KDM4C: variants seen among roughly 807,000 people sequenced by gnomAD.
KDM4C encodes the protein lysine-specific demethylase 4C.
KDM4C carries 81 observed loss-of-function variants against 129.3 expected under a neutral mutation model. The ratio of observed to expected loss-of-function variants is 0.63; its 90% CI spans 0.52 to 0.75. The LOEUF is 0.75. Ranked by LOEUF, KDM4C falls within the 30% of genes least tolerant of loss-of-function variation. KDM4C has a pLI of 0.00. For missense variants in KDM4C, 1,457 were observed against 1,304.0 expected (o/e 1.12, Z -1.81); for synonymous variants, 573 against 456.1 (o/e 1.26, Z -3.26).
chr9:7,158,804 G>C (rs1441491887), intron 19 of KDM4C, among the ~76,000 whole-genome samples: 1 of 152,168 alleles, frequency 6.6e-6, no homozygotes, highest in African/African-American at 2.4e-5. Flanking sequence ...GTGTTGGGAA[G>C]AGTGTATATT....
intron 8 of KDM4C, among the ~76,000 whole-genome samples, chr9:6,945,945 CT>C (rs1826883531): frequency 6.6e-6 from 1 of 152,074 alleles, no homozygotes; most frequent in African/African-American, 2.4e-5. Context: ...GTCCAGATGT[CT>C]TTTCTATTGG....
chr9:6,866,093 C>G (rs1841919036), intron 5 of KDM4C, among the ~76,000 whole-genome samples: 1 of 152,016 alleles, frequency 6.6e-6, no homozygotes, highest in Non-Finnish European at 1.5e-5. Context: ...CCATGTTGAA[C>G]AGGCTGGTCT....
intron 8 of KDM4C, among the ~76,000 whole-genome samples, chr9:6,914,284 C>A (rs920178346): frequency 6.6e-6 from 1 of 152,184 alleles, no homozygotes; most frequent in Admixed American, 6.5e-5. Context: ...GTCTTGAACT[C>A]CCGACCTCAG....
At chr9:7,016,312 AGAGACGGGG>A (rs1823668183) in intron 15 of KDM4C, among the ~76,000 whole-genome samples, 1 of 151,564 alleles carries the variant, frequency 6.6e-6, no homozygotes, top group African/African-American at 2.4e-5. Flanking sequence ...TATTTTTAGT[AGAGACGGGG>A]TTTCAACGTG....
At chr9:6,834,016 C>A (rs10975840) in intron 4 of KDM4C, among the ~76,000 whole-genome samples, 24 of 149,022 alleles carry the variant, frequency 1.6e-4, no homozygotes, top group Non-Finnish European at 2.8e-4. Context: ...CAGAAGTGGC[C>A]TCATGGGATA....
intron 8 of KDM4C, among the ~76,000 whole-genome samples, chr9:6,909,419 C>CT (rs1818878507): frequency 6.6e-6 from 1 of 152,188 alleles, no homozygotes; most frequent in African/African-American, 2.4e-5. Flanking sequence ...TGATGACCAT[C>CT]TGATCTAGCA....
chr9:7,172,916 A>T (rs182640986), intron 21 of KDM4C, among the ~76,000 whole-genome samples: 38 of 152,386 alleles, frequency 2.5e-4, no homozygotes, highest in African/African-American at 8.7e-4. Flanking sequence ...CTGCCAGTGC[A>T]TTTTAGGAGG....
chr9:6,838,394 T>C (rs1359806834), intron 4 of KDM4C, among the ~76,000 whole-genome samples: 2 of 152,160 alleles, frequency 1.3e-5, no homozygotes, highest in Non-Finnish European at 2.9e-5. Flanking sequence ...TAATTCTGGA[T>C]CTAAATGTAT....
intron 4 of KDM4C, chr9:6,834,748 C>G: frequency 6.6e-6 from 7 of 1,064,214 alleles, no homozygotes; most frequent in Admixed American, 5.1e-5. Flanking sequence ...ATGTGGTTCC[C>G]GAGGAGCATC....
At chr9:6,900,787 A>G (rs1283902894) in intron 8 of KDM4C, among the ~76,000 whole-genome samples, 1 of 152,166 alleles carries the variant, frequency 6.6e-6, no homozygotes, top group Non-Finnish European at 1.5e-5. Flanking sequence ...GGGTGAGAGC[A>G]AAGGTTTTCT....
At chr9:7,128,379 C>A (rs1564153468) in intron 19 of KDM4C, 143 bp downstream of exon 19, 3 of 565,864 alleles carry the variant, frequency 5.3e-6, no homozygotes, top group Non-Finnish European at 5.6e-6. Context: ...TAAATAATAT[C>A]CAGGTGAACT....
intron 5 of KDM4C, among the ~76,000 whole-genome samples, chr9:6,870,290 C>T (rs1413252637): frequency 6.6e-6 from 1 of 151,952 alleles, no homozygotes; most frequent in Non-Finnish European, 1.5e-5. Flanking sequence ...CCTTGGAGGA[C>T]AGATGGGCCC....
intron 14 of KDM4C, among the ~76,000 whole-genome samples, chr9:7,015,097 G>A (rs933206492): frequency 6.6e-6 from 1 of 151,946 alleles, no homozygotes; most frequent in Admixed American, 6.6e-5. Context: ...TCATGGACAT[G>A]GTTAACTGTG....
intron 12 of KDM4C, among the ~76,000 whole-genome samples, chr9:6,992,757 C>G (rs1563947895): frequency 6.6e-6 from 1 of 152,198 alleles, no homozygotes; most frequent in South Asian, 2.1e-4. Context: ...ATTTTCTGTC[C>G]TAACTATTCT....
intron 5 of KDM4C, among the ~76,000 whole-genome samples, chr9:6,855,483 A>AG (rs1839646139): frequency 6.7e-6 from 1 of 148,460 alleles, no homozygotes; most frequent in African/African-American, 2.5e-5. Context: ...AAAAAAAAAA[A>AG]AAGGAACCCA....
chr9:6,853,159 C>T (rs970155465), intron 5 of KDM4C, among the ~76,000 whole-genome samples: 3 of 152,104 alleles, frequency 2.0e-5, no homozygotes, highest in Non-Finnish European at 4.4e-5. Flanking sequence ...AGATCCATCT[C>T]TTTAAGGGCA....
chr9:6,999,174 G>C (rs1820318855), intron 12 of KDM4C, among the ~76,000 whole-genome samples: 1 of 152,094 alleles, frequency 6.6e-6, no homozygotes, highest in Non-Finnish European at 1.5e-5. Flanking sequence ...AGGTGTTTGG[G>C]GAAAATTATG....
At chr9:6,861,194 A>T (rs1840859976) in intron 5 of KDM4C, among the ~76,000 whole-genome samples, 1 of 152,122 alleles carries the variant, frequency 6.6e-6, no homozygotes, top group Admixed American at 6.5e-5. Context: ...CAGTTTTACT[A>T]CTTTATTATG....
chr9:6,788,388 C>T (rs189331668), intron 1 of KDM4C, among the ~76,000 whole-genome samples: 16 of 152,262 alleles, frequency 1.1e-4, no homozygotes, highest in Non-Finnish European at 1.9e-4. Context: ...TTTAGCCTGT[C>T]GAAGATGAAC....
Sources: allele counts gnomAD v4.1 joint callset (sites outside exome capture counted in the v4.1 genomes callset), GRCh38; gene constraint gnomAD v4.1.1; transcripts MANE v1.5; gene names NCBI Gene and HGNC (gene_info 2026-07-23, HGNC 2026-07-21).